PCDHGB5: variants seen among roughly 807,000 people sequenced by gnomAD.
The protein encoded by PCDHGB5 is protocadherin gamma subfamily B, 5, also known as protocadherin gamma-B5.
A neutral mutation model predicts 62.9 loss-of-function variants in PCDHGB5; 48 were observed. The ratio of observed to expected loss-of-function variants is 0.76; its 90% CI spans 0.61 to 0.97. The LOEUF is 0.97. Ranked by LOEUF, PCDHGB5 falls within the 50% of genes least tolerant of loss-of-function variation. The pLI is 0.00. For missense variants in PCDHGB5, 1,118 were observed against 1,198.6 expected (o/e 0.93, Z 0.99); for synonymous variants, 474 against 511.2 (o/e 0.93, Z 0.98).
At chr5:141,464,558 A>G (rs1276921889) in intron 1 of PCDHGB5, among the ~76,000 whole-genome samples, 2 of 152,176 alleles carry the variant, frequency 1.3e-5, no homozygotes, top group Non-Finnish European at 2.9e-5. Context: ...CCCATCTTGC[A>G]TTCCTACAAA....
chr5:141,423,184 C>G (rs747938944), intron 1 of PCDHGB5: 3 of 1,613,560 alleles, frequency 1.9e-6, no homozygotes, highest in Non-Finnish European at 2.5e-6. Context: ...CCACGGCCAG[C>G]CCCCTCTCTC....
intron 1 of PCDHGB5, chr5:141,419,989 T>C (rs778087109): frequency 4.1e-5 from 66 of 1,613,962 alleles, no homozygotes; most frequent in Non-Finnish European, 5.2e-5. Context: ...TGATTCTAGC[T>C]ATTGCTCTAC....
chr5:141,480,651 C>T (rs780138971), intron 1 of PCDHGB5, among the ~76,000 whole-genome samples: 1 of 152,174 alleles, frequency 6.6e-6, no homozygotes, highest in African/African-American at 2.4e-5. Flanking sequence ...CTTGGTTGCA[C>T]ATTAAAATCA....
In PCDHGB5 at chr5:141,409,864, C is replaced by A. The variant is rs772646188; in HGVS notation, c.2397+9340C>A. The A allele has an allele frequency of 1.9e-6, 3 of 1,612,574 alleles. No individual in the cohort carries two copies. The East Asian group carries it at 6.7e-5, about 36-fold the overall frequency. Reference sequence around the variant, plus strand: ...TGAGCCTGCGCGTGTTGGTGGGAGACCGCAATGACAACGCACCGCGGGTGC... The same window carrying A: ...TGAGCCTGCGCGTGTTGGTGGGAGAACGCAATGACAACGCACCGCGGGTGC... On this transcript the variant is annotated intron_variant, in intron 1 of 3. Transcript: ENST00000617380.
At chr5:141,475,059 G>T (rs2099358742) in intron 1 of PCDHGB5, among the ~76,000 whole-genome samples, 1 of 152,180 alleles carries the variant, frequency 6.6e-6, no homozygotes, top group South Asian at 2.1e-4. Flanking sequence ...AAAGATTTGT[G>T]GAGCTTTGCT....
chr5:141,423,435 G>A (rs2096740494), intron 1 of PCDHGB5: 1 of 1,613,892 alleles, frequency 6.2e-7, no homozygotes, highest in Admixed American at 1.7e-5. Context: ...TGGCAGGTAT[G>A]CCCACGTCAC....
In PCDHGB5 at chr5:141,431,878, C is replaced by T. The variant is rs2097425306; in HGVS notation, c.2397+31354C>T. The T allele has an allele frequency of 1.2e-6, 2 of 1,614,054 alleles. No individual in the cohort carries two copies. The highest frequency in any genetic ancestry group is 1.7e-5 in the Admixed American group (1 of 60,010). ...TAATTGCCCTTTTAAATGTAAATGACCAAGATTCTGAGGAAAACGGACAGG... is the reference window on the plus strand; with the variant it reads ...TAATTGCCCTTTTAAATGTAAATGATCAAGATTCTGAGGAAAACGGACAGG... On this transcript the variant is annotated intron_variant, in intron 1 of 3. Transcript: ENST00000617380. The surrounding 1 kb of genome is among the most constrained non-coding windows in gnomAD (Gnocchi z 4.8).
chr5:141,411,192 G>C (rs2095472836), intron 1 of PCDHGB5: 1 of 152,098 alleles, frequency 6.6e-6, no homozygotes, highest in African/African-American at 2.4e-5. Flanking sequence ...TGGCATCTAA[G>C]AAAACAAACA....
intron 1 of PCDHGB5, among the ~76,000 whole-genome samples, chr5:141,483,658 G>C (rs906346163): frequency 1.4e-4 from 22 of 152,028 alleles, no homozygotes; most frequent in Non-Finnish European, 2.4e-4. Context: ...TTGTGTGTGT[G>C]TGTGTGTGTG....
intron 1 of PCDHGB5, among the ~76,000 whole-genome samples, chr5:141,461,824 T>C (rs958063237): frequency 1.3e-5 from 2 of 151,968 alleles, no homozygotes; most frequent in African/African-American, 4.8e-5. Flanking sequence ...CAGCTAATTT[T>C]TTTTTCTTTT....
intron 1 of PCDHGB5, among the ~76,000 whole-genome samples, chr5:141,474,193 A>C (rs2099345142): frequency 6.6e-6 from 1 of 152,256 alleles, no homozygotes. Context: ...TACATTTTTA[A>C]AAGCTGATTT....
intron 1 of PCDHGB5, among the ~76,000 whole-genome samples, chr5:141,463,527 G>C (rs12109431): frequency 1.5e-5 from 2 of 131,102 alleles, no homozygotes; most frequent in Non-Finnish European, 3.1e-5. Context: ...CGGCTTACTA[G>C]AAACTCCGGC....
At chr5:141,407,524 C>CT (rs2094949017) in intron 1 of PCDHGB5, among the ~76,000 whole-genome samples, 1 of 146,696 alleles carries the variant, frequency 6.8e-6, no homozygotes, top group Admixed American at 6.8e-5. Flanking sequence ...TAGGACTTAA[C>CT]TTATTGTGCA....
In PCDHGB5 at chr5:141,490,274, A is replaced by G. The variant is rs1285515971; in HGVS notation, c.2398-4533A>G. The G allele has an allele frequency of 6.2e-7, 1 of 1,614,228 alleles. No individual in the cohort carries two copies. Among genetic ancestry groups the G allele is most frequent in the Non-Finnish European group, 8.5e-7 (1 of 1,180,038 alleles). On this transcript the variant is annotated intron_variant, in intron 1 of 3. Transcript: ENST00000617380. This position sits in a 1 kb window ranked among gnomAD's most constrained non-coding sequence, Gnocchi z 5.4. ...CAAGTGGATGTGGGGGATGTCAATGACAATGCCCCAGAGGTGCTATTGGCC... is the reference window on the plus strand; with the variant it reads ...CAAGTGGATGTGGGGGATGTCAATGGCAATGCCCCAGAGGTGCTATTGGCC...
In PCDHGB5 at chr5:141,398,855, A is replaced by G. The variant is rs1376506270; in HGVS notation, c.728A>G (p.Asn243Ser). ...TDANDNPPVF[N>S]RDVYRVSLRE... ...GCCAATGATAATCCCCCGGTATTCA[A>G]CCGAGACGTGTACAGAGTCAGCCTT... Residue 243 changes from asparagine (N) to serine (S), a missense_variant, in exon 1 of 4, where the codon AAC becomes AGC. Around this residue, in one of 2 missense-constraint regions of PCDHGB5, gnomAD observed 1,034 missense variants for 1,029.1 expected, o/e 1.00. Coordinates refer to ENST00000617380, the MANE Select transcript of PCDHGB5 (RefSeq NM_018925.3). 2.5e-6 allele frequency: 4 copies of G among 1,613,852 alleles called. No individual in the cohort carries two copies. The African/African-American group carries it at 5.3e-5, about 22-fold the overall frequency.
chr5:141,449,147 G>T (rs2098630156), intron 1 of PCDHGB5, among the ~76,000 whole-genome samples: 1 of 152,110 alleles, frequency 6.6e-6, no homozygotes, highest in African/African-American at 2.4e-5. Flanking sequence ...AAATTGCTGG[G>T]TCAAAGAGGA....
chr5:141,463,990 G>C (rs2099073582), intron 1 of PCDHGB5, among the ~76,000 whole-genome samples: 1 of 151,990 alleles, frequency 6.6e-6, no homozygotes, highest in Admixed American at 6.6e-5. Context: ...TAAAAACCAG[G>C]TGCAGTGGCT....
chr5:141,438,392 A>C (rs2097958012), intron 1 of PCDHGB5, among the ~76,000 whole-genome samples: 1 of 151,714 alleles, frequency 6.6e-6, no homozygotes, highest in African/African-American at 2.4e-5. Context: ...TTAGTTCATC[A>C]TTAACTCTCT....
intron 3 of PCDHGB5, among the ~76,000 whole-genome samples, chr5:141,509,962 C>A (rs1186902807): frequency 2.0e-5 from 3 of 152,206 alleles, no homozygotes. Context: ...CGGGTATGGC[C>A]TTGGTCCTTC....
Sources: gnomAD v4.1 joint callset for allele counts (sites outside exome capture counted in the v4.1 genomes callset) on GRCh38, gnomAD v4.1.1 for gene constraint, gnomAD v4.1.1 regional missense constraint, Gnocchi (gnomAD v3.1) non-coding constraint, MANE v1.5 for transcripts, NCBI Gene and HGNC (gene_info 2026-07-23, HGNC 2026-07-21) for gene names.